The following UBE2D2 variants were observed in gnomAD, a reference collection of about 807,000 sequenced individuals.
UBE2D2 encodes ubiquitin-conjugating enzyme E2 D2.
Under a neutral mutation model 24.2 loss-of-function variants are expected in UBE2D2, and 2 were observed. The ratio of observed to expected loss-of-function variants is 0.08; its 90% CI spans 0.03 to 0.26. The LOEUF (loss-of-function observed/expected upper bound fraction) is 0.26. Ranked by LOEUF, UBE2D2 falls within the 10% of genes least tolerant of loss-of-function variation. UBE2D2 has a pLI of 1.00. For synonymous variants in UBE2D2, 58 were observed against 56.5 expected, an observed-to-expected ratio of 1.03 and a Z score of -0.12; for missense variants, 44 against 177.6, an observed-to-expected ratio of 0.25 and a Z score of 4.28.
At chr5:139,556,831 C>A (rs374272918), upstream of UBE2D2, among the ~76,000 whole-genome samples, 2 of 151,364 alleles carry the variant, frequency 1.3e-5, no homozygotes, top group African/African-American at 4.8e-5. Flanking sequence ...TGAATAGTTC[C>A]ATACTTTTTT....
Position 139,526,825 on chromosome 5 carries a change from C to T in UBE2D2, c.-64+213C>T, listed in dbSNP as rs551816742. Among the ~76,000 whole-genome samples, 547 of 152,328 alleles carry T rather than the reference C, an allele frequency of 3.6e-3. 4 individuals carry two copies. The highest frequency in any genetic ancestry group is 0.012 in the African/African-American group (514 of 41,564). On this transcript the variant is annotated intron_variant, in intron 1 of 6. Coordinates refer to the UBE2D2 transcript ENST00000511725. ...ATTGGCACTTTTGTTCTGGTTTTGACTTGACTTGAATTGCTGGATACTTTA... is the reference window on the plus strand; with the variant it reads ...ATTGGCACTTTTGTTCTGGTTTTGATTTGACTTGAATTGCTGGATACTTTA...
At chr5:139,590,779 CTTCTTTTT>C (rs1561513233) in intron 1 of UBE2D2, among the ~76,000 whole-genome samples, 8 of 55,994 alleles carry the variant, frequency 1.4e-4, no homozygotes, top group Admixed American at 3.8e-4. Context: ...ATTTTCTCTT[CTTCTTTTT>C]TTTTTTTTTT....
At chr5:139,583,426 G>A (rs554464706) in intron 1 of UBE2D2, among the ~76,000 whole-genome samples, 2 of 152,088 alleles carry the variant, frequency 1.3e-5, no homozygotes, top group Admixed American at 6.6e-5. Context: ...TCATATTTCC[G>A]AACAACATGT....
chr5:139,598,552 CTTTTTTTTTTTTT>C (rs746165110), intron 1 of UBE2D2, among the ~76,000 whole-genome samples: 4 of 104,952 alleles, frequency 3.8e-5, no homozygotes, highest in African/African-American at 8.3e-5. Flanking sequence ...ACTACAAAGC[CTTTTTTTTTTTTT>C]TTTTTTTTTT....
Position 139,552,729 on chromosome 5 carries a change from C to G in UBE2D2, c.-64+26117C>G, listed in dbSNP as rs1179135099. The stretch of plus-strand genomic sequence containing the variant: ...CAGAGTTTCTCTCTTGTTGCCCAGG[C>G]TGGAATGCAATGGCACGATCTTGGC... On this transcript the variant is annotated intron_variant, in intron 1 of 6. Transcript: ENST00000511725. 1.4e-5 allele frequency among the ~76,000 whole-genome samples: 2 copies of G among 138,514 alleles called. 1 individual carries two copies. Among genetic ancestry groups the G allele is most frequent in the East Asian group, 4.2e-4 (2 of 4,722 alleles). 90.9% of individuals were successfully genotyped at this position (138,514 alleles called of 152,430 possible). A position where few individuals can be genotyped will look rare whatever the true frequency, so the allele number is the denominator to read the frequency against.
At chr5:139,573,912 A>G (rs879424532) in intron 1 of UBE2D2, among the ~76,000 whole-genome samples, 1 of 152,142 alleles carries the variant, frequency 6.6e-6, no homozygotes, top group Admixed American at 6.6e-5. Context: ...CGGAGCTTGC[A>G]GTGAGCTGAG....
upstream of UBE2D2, among the ~76,000 whole-genome samples, chr5:139,556,887 T>G (rs995189355): frequency 6.6e-6 from 1 of 151,232 alleles, no homozygotes. Flanking sequence ...CAGGCTGGAG[T>G]GCAGTGGCGC....
intron 1 of UBE2D2, among the ~76,000 whole-genome samples, chr5:139,573,483 C>T (rs2126657506): frequency 6.6e-6 from 1 of 152,134 alleles, no homozygotes; most frequent in East Asian, 1.9e-4. Flanking sequence ...TTGTTTCCAA[C>T]AGATACATTG....
chr5:139,563,301 CCTTAA>C (rs1753149355), intron 1 of UBE2D2, among the ~76,000 whole-genome samples: 2 of 152,182 alleles, frequency 1.3e-5, no homozygotes, highest in South Asian at 4.2e-4. Flanking sequence ...TAGGTTAGCT[CCTTAA>C]CTTCTTTTGA....
chr5:139,533,041 G>A (rs1752617097), intron 1 of UBE2D2, among the ~76,000 whole-genome samples: 1 of 151,502 alleles, frequency 6.6e-6, no homozygotes, highest in Non-Finnish European at 1.5e-5. Flanking sequence ...CCGGGAGGCG[G>A]AGGTTGCAGT....
At position 139,546,817 on chromosome 5, in the gene UBE2D2, TCTTCCTTCCTTCCTTCCTTCCTTC is replaced by T. The variant is rs59929319; in HGVS notation, c.-64+20237_-64+20260del. Among the ~76,000 whole-genome samples the T allele has an allele frequency of 3.0e-3, 409 of 138,414 alleles. 3 individuals carry two copies. Among genetic ancestry groups the T allele is most frequent in the African/African-American group, 9.3e-3 (347 of 37,208 alleles). 90.8% of individuals were successfully genotyped at this position (138,414 alleles called of 152,430 possible). On this transcript the variant is annotated intron_variant, in intron 1 of 6. Transcript: ENST00000511725. The stretch of plus-strand genomic sequence containing the variant: ...TTTCTTTCTTTCTTTCTTCTTTCTT[TCTTCCTTCCTTCCTTCCTTCCTTC>T]CTTCCTTCCTTCCTTCCTTCCTTCC...
rs1754662989 is a variant in UBE2D2 at position 139,627,775 on chromosome 5, T to TC, written c.*975dup. Reference sequence around the variant, plus strand: ...GGATTTTCTCCCACTTCTGAAATGTTCATTTATACTGGTTGCATTTTAAGA... The same window carrying TC: ...GGATTTTCTCCCACTTCTGAAATGTTCCATTTATACTGGTTGCATTTTAAGA... On this transcript the variant is annotated 3_prime_UTR_variant, in exon 7 of 7. Coordinates refer to ENST00000398733, the MANE Select transcript of UBE2D2 (RefSeq NM_003339.3). The TC allele has an allele frequency of 6.6e-6, 1 of 152,666 alleles. No homozygotes were observed. The highest frequency in any genetic ancestry group is 1.5e-5 in the Non-Finnish European group (1 of 68,032). 9.5% of individuals were successfully genotyped at this position (152,666 alleles called of 1,614,324 possible).
intron 1 of UBE2D2, among the ~76,000 whole-genome samples, chr5:139,589,356 C>G (rs1026001732): frequency 6.6e-6 from 1 of 152,000 alleles, no homozygotes; most frequent in East Asian, 1.9e-4. Context: ...GTCAGGAGTT[C>G]GAGACTAGCC....
At position 139,626,854 on chromosome 5, in the gene UBE2D2, G is replaced by A; in HGVS notation, c.*53G>A. The stretch of plus-strand genomic sequence containing the variant: ...AAATAAAGATAGGGGAACTCTGAAA[G>A]AGAAAGTCCTTTTGATTTCCATTTG... On this transcript the variant is annotated 3_prime_UTR_variant, in exon 7 of 7. Transcript: ENST00000398733. The A allele has an allele frequency of 6.6e-7, 1 of 1,514,046 alleles. No homozygotes were observed. Among genetic ancestry groups the A allele is most frequent in the Non-Finnish European group, 9.1e-7 (1 of 1,096,948 alleles). 93.8% of individuals were successfully genotyped at this position (1,514,046 alleles called of 1,614,324 possible).
In UBE2D2 at chr5:139,613,253, G is replaced by T. The variant is rs763321592; in HGVS notation, c.89-1333G>T. On this transcript the variant is annotated intron_variant, in intron 2 of 6. Transcript: ENST00000398733. ...CTTTAGGATTTGGACTGACATTCTG[G>T]TGGATTTTTATATGGCTTCTTAGTC... Among the ~76,000 whole-genome samples the T allele has an allele frequency of 2.5e-4, 38 of 152,196 alleles. 1 individual carries two copies. Among genetic ancestry groups the T allele is most frequent in the Admixed American group, 1.1e-3 (17 of 15,270 alleles).
At chr5:139,593,789 T>A (rs551077341) in intron 1 of UBE2D2, among the ~76,000 whole-genome samples, 105 of 152,010 alleles carry the variant, frequency 6.9e-4, no homozygotes, top group African/African-American at 2.0e-3. Context: ...TTAAAAAAAA[T>A]TTTTTTTGTG....
intron 1 of UBE2D2, among the ~76,000 whole-genome samples, chr5:139,574,802 C>T (rs1440152603): frequency 6.6e-6 from 1 of 151,132 alleles, no homozygotes; most frequent in African/African-American, 2.4e-5. Context: ...AGGCAAGTCA[C>T]TTTGCGAATT....
chr5:139,548,163 C>A (rs1187051904), intron 1 of UBE2D2, among the ~76,000 whole-genome samples: 2 of 32,962 alleles, frequency 6.1e-5, no homozygotes, highest in South Asian at 1.1e-3. Context: ...GACTCCGTCT[C>A]AAAAAAAAAA....
chr5:139,558,607 A>G (rs1753011664), upstream of UBE2D2, among the ~76,000 whole-genome samples: 1 of 152,120 alleles, frequency 6.6e-6, no homozygotes, highest in African/African-American at 2.4e-5. Flanking sequence ...TTTATTTTCA[A>G]GGTAGATTAC....
Sources: allele counts gnomAD v4.1 joint callset (sites outside exome capture counted in the v4.1 genomes callset), GRCh38; gene constraint gnomAD v4.1.1; transcripts MANE v1.5; gene names NCBI Gene and HGNC (gene_info 2026-07-23, HGNC 2026-07-21).